Variants in ZMYND11 observed in about 807,000 individuals in gnomAD.
The protein encoded by ZMYND11 is zinc finger MYND-type containing 11.
Under a neutral mutation model 84.9 loss-of-function variants are expected in ZMYND11, and 9 were observed. The observed-to-expected ratio is 0.11, with a 90% CI of 0.06 to 0.18. The LOEUF (loss-of-function observed/expected upper bound fraction) is 0.18, where lower values mean the gene tolerates loss of function less well. Ranked by LOEUF, ZMYND11 falls within the 10% of genes least tolerant of loss-of-function variation. The pLI, the probability that ZMYND11 is intolerant of heterozygous loss-of-function variation, is 1.00. For synonymous variants in ZMYND11, 250 were observed against 244.1 expected (o/e 1.02, Z -0.23); for missense variants, 409 against 761.0 (o/e 0.54, Z 5.44).
intron 1 of ZMYND11, among the ~76,000 whole-genome samples, chr10:158,026 C>G (rs1842094883): frequency 6.6e-6 from 1 of 152,212 alleles, no homozygotes; most frequent in Admixed American, 6.5e-5. Context: ...CATGTTGCAG[C>G]ATGTGTCAGT....
chr10:252,268 C>T lies in ZMYND11; in HGVS notation c.1687-80C>T. The T allele has an allele frequency of 1.3e-6, 2 of 1,534,110 alleles. No individual in the cohort carries two copies. The highest frequency in any genetic ancestry group is 1.7e-4 in the Middle Eastern group (1 of 5,810). ...CCAGAAAGATCTTTTAAAAGCACCA[C>T]CTCAAGAGTTTGCCATTTTAACCAG... On this transcript the variant is annotated intron_variant, in intron 14 of 14. Transcript: ENST00000381604. This position sits in a 1 kb window ranked among gnomAD's most constrained non-coding sequence, Gnocchi z 4.6.
chr10:185,828 AC>A (rs1938224146), intron 2 of ZMYND11, among the ~76,000 whole-genome samples: 3 of 149,100 alleles, frequency 2.0e-5, no homozygotes, highest in Non-Finnish European at 3.0e-5. Context: ...AAACAAAAAA[AC>A]AAAAAAACAA....
intron 3 of ZMYND11, among the ~76,000 whole-genome samples, chr10:220,185 T>C (rs891950437): frequency 6.6e-6 from 1 of 152,110 alleles, no homozygotes; most frequent in African/African-American, 2.4e-5. Context: ...GATAACAATT[T>C]ATAGAAATAA....
intron 1 of ZMYND11, among the ~76,000 whole-genome samples, chr10:145,962 T>C (rs1838730504): frequency 6.6e-6 from 1 of 152,188 alleles, no homozygotes; most frequent in African/African-American, 2.4e-5. Flanking sequence ...TCTAGACCAT[T>C]GTCCAGAAGG....
At chr10:240,028 T>C in intron 7 of ZMYND11, 28 bp from the exon 8 acceptor site, 3 of 1,593,414 alleles carry the variant, frequency 1.9e-6, no homozygotes, top group Non-Finnish European at 1.7e-6. Context: ...GACTATTGCT[T>C]ATAGGTAATA....
intron 4 of ZMYND11, among the ~76,000 whole-genome samples, chr10:225,548 GTA>G (rs892523459): frequency 1.1e-4 from 16 of 152,078 alleles, no homozygotes; most frequent in African/African-American, 3.6e-4. Flanking sequence ...GGGTCTCGCT[GTA>G]TTGCCCTGGC....
At chr10:160,482 G>C (rs781810069) in intron 1 of ZMYND11, among the ~76,000 whole-genome samples, 7 of 152,076 alleles carry the variant, frequency 4.6e-5, no homozygotes, top group Admixed American at 1.3e-4. Flanking sequence ...TTAAAATAAG[G>C]ACAGCAATAA....
chr10:240,794 AT>A (rs1444002417), intron 8 of ZMYND11, 98 bp from the exon 9 acceptor site: 1 of 924,216 alleles, frequency 1.1e-6, no homozygotes, highest in African/African-American at 1.7e-5. Flanking sequence ...ATTCAACACT[AT>A]TTATATACGT....
chr10:223,234 T>G (rs1417111143), intron 4 of ZMYND11, among the ~76,000 whole-genome samples: 5 of 152,102 alleles, frequency 3.3e-5, no homozygotes, highest in Non-Finnish European at 7.4e-5. Context: ...TTTGTCATGT[T>G]GGTGTGGCCA....
rs71374347 is a variant in ZMYND11, at chr10:200,205, G to GGTGTGT, written c.117-9669_117-9664dup. The stretch of plus-strand genomic sequence containing the variant: ...GACATGTGCTGCCATGCCTGGCTAG[G>GGTGTGT]GTGTGTGTGTGTGTGTGTGTATAAT... On this transcript the variant is annotated intron_variant, in intron 2 of 14. Coordinates refer to ENST00000381604, the MANE Select transcript of ZMYND11 (RefSeq NM_001370100.5). Among the ~76,000 whole-genome samples the GGTGTGT allele has an allele frequency of 6.4e-3, 844 of 132,422 alleles. 20 individuals carry two copies. Among genetic ancestry groups the GGTGTGT allele is most frequent in the Non-Finnish European group, 9.5e-3 (602 of 63,206 alleles). 86.9% of individuals were successfully genotyped at this position (132,422 alleles called of 152,430 possible). A position where few individuals can be genotyped will look rare whatever the true frequency, so the allele number is the denominator to read the frequency against.
Position 147,523 on chromosome 10 carries a change from A to AT in ZMYND11, c.-20+11975dup, listed in dbSNP as rs1277785568. On this transcript the variant is annotated intron_variant, in intron 1 of 14. Coordinates refer to ENST00000381604, the MANE Select transcript of ZMYND11 (RefSeq NM_001370100.5). ...GGCAGAGGTATATGTGCCTTTTTAA[A>AT]TTTTTTTTTTTGGAATAGCTTATAT... 4.5e-3 allele frequency among the ~76,000 whole-genome samples: 664 copies of AT among 146,804 alleles called. 1 individual carries two copies. The highest frequency in any genetic ancestry group is 7.5e-3 in the Non-Finnish European group (497 of 66,292).
In ZMYND11 at chr10:209,928, C is replaced by T. The variant is rs759728228; in HGVS notation, c.156C>T (p.Thr52=). Residue 52 remains threonine, a synonymous_variant, in exon 3 of 15, where the codon ACC becomes ACT. Transcript: ENST00000381604. ...SRVHGMHPKE[T]TRQLSLAVKD... is the part of the protein sequence containing the mutation. The stretch of plus-strand genomic sequence containing the variant: ...TCCACGGTATGCACCCTAAAGAGAC[C>T]ACCCGTCAGCTGAGCTTAGCTGTGA... 6 of 1,614,002 alleles carry T rather than the reference C, an allele frequency of 3.7e-6. No homozygotes were observed. The highest frequency in any genetic ancestry group is 5.1e-6 in the Non-Finnish European group (6 of 1,179,952).
chr10:201,438 T>G (rs1160539297), intron 2 of ZMYND11, among the ~76,000 whole-genome samples: 1 of 152,212 alleles, frequency 6.6e-6, no homozygotes, highest in Admixed American at 6.5e-5. Context: ...TTCCAATATA[T>G]TCATTTCAAA....
chr10:183,224 G>GT (rs1214194132), intron 2 of ZMYND11, among the ~76,000 whole-genome samples: 2,454 of 130,656 alleles, frequency 0.019, 34 homozygotes, highest in Non-Finnish European at 0.025. Context: ...TTTGTTGTTG[G>GT]TTTTTTTTTT....
chr10:216,874 T>G (rs1344950262), intron 3 of ZMYND11, among the ~76,000 whole-genome samples: 1 of 152,148 alleles, frequency 6.6e-6, no homozygotes, highest in Non-Finnish European at 1.5e-5. Flanking sequence ...ATTTTTATTT[T>G]AAATATAAGT....
chr10:233,292 C>CGCCCT (rs1949333685), intron 4 of ZMYND11, among the ~76,000 whole-genome samples: 5 of 152,320 alleles, frequency 3.3e-5, no homozygotes, highest in Middle Eastern at 3.4e-3. Context: ...AGGGCGTGCA[C>CGCCCT]TGGTGCAGCC....
intron 4 of ZMYND11, among the ~76,000 whole-genome samples, chr10:231,373 G>GA (rs986627862): frequency 2.6e-5 from 4 of 152,102 alleles, no homozygotes; most frequent in African/African-American, 7.2e-5. Context: ...AAATATGTCT[G>GA]AAAAAAGAAG....
chr10:180,631 C>T (rs1187104800), intron 2 of ZMYND11, among the ~76,000 whole-genome samples: 1 of 152,218 alleles, frequency 6.6e-6, no homozygotes, highest in African/African-American at 2.4e-5. Flanking sequence ...AAACTCCTGA[C>T]CTCGTGATTC....
At chr10:244,798 C>G (rs2131876133) in intron 10 of ZMYND11, among the ~76,000 whole-genome samples, 1 of 152,302 alleles carries the variant, frequency 6.6e-6, no homozygotes, top group Non-Finnish European at 1.5e-5. Context: ...CCGTGATAAT[C>G]AGATTTCAGT....
Sources: gnomAD v4.1 joint callset for allele counts (sites outside exome capture counted in the v4.1 genomes callset) on GRCh38, gnomAD v4.1.1 for gene constraint, Gnocchi (gnomAD v3.1) non-coding constraint, MANE v1.5 for transcripts, NCBI Gene and HGNC (gene_info 2026-07-23, HGNC 2026-07-21) for gene names.